NDUFAF5: variants seen among roughly 807,000 people sequenced by gnomAD.
The protein encoded by NDUFAF5 is arginine-hydroxylase NDUFAF5, mitochondrial.
Under a neutral mutation model 48.9 loss-of-function variants are expected in NDUFAF5, and 34 were observed. That is an observed-to-expected ratio of 0.70 (90% CI 0.53 to 0.93). The LOEUF (loss-of-function observed/expected upper bound fraction) is 0.93, where lower values mean the gene tolerates loss of function less well. Among genes scored for constraint, NDUFAF5 ranks in the 40% least tolerant of loss-of-function variants. The pLI, the probability that NDUFAF5 is intolerant of heterozygous loss-of-function variation, is 0.00. For synonymous variants in NDUFAF5, 153 were observed against 150.6 expected (o/e 1.02, Z -0.12); for missense variants, 428 against 427.5 (o/e 1.00, Z -0.01).
At position 13,785,212 on chromosome 20, in the gene NDUFAF5, C is replaced by A. The variant is rs1194843466; in HGVS notation, c.144C>A (p.Asp48Glu). 2 of 1,613,764 alleles carry A rather than the reference C, an allele frequency of 1.2e-6. No homozygotes were observed. The highest frequency in any genetic ancestry group is 1.7e-6 in the Non-Finnish European group (2 of 1,179,854). ...CGCCCAGAACCCTGAATATTTTCGA[C>A]CGGGATTTGAAAAGGAAACAGAAGA... The part of the protein sequence containing the change: ...STSPRTLNIF[D>E]RDLKRKQKNW... The change falls in exon 1 of 11, where the codon GAC becomes GAA. Residue 48 changes from aspartate to glutamate, a missense_variant. Physicochemically the swap from Asp to Glu is conservative, Grantham distance 45. Transcript: ENST00000378106.
In NDUFAF5 at chr20:13,817,334, A is replaced by G; in HGVS notation, c.*124A>G. On this transcript the variant is annotated 3_prime_UTR_variant, in exon 11 of 11. Coordinates refer to ENST00000378106, the MANE Select transcript of NDUFAF5 (RefSeq NM_024120.5). ...TATTTACTAATAGGCTTTTCATATA[A>G]TTAGGAAAACCTAATATCACATCTA... 1 of 815,756 alleles carries G rather than the reference A, an allele frequency of 1.2e-6. No homozygotes were observed. The allele number at this position is 815,756 out of a possible 1,614,324, so 50.5% of individuals were successfully genotyped here.
At chr20:13,796,706 C>T (rs951051888) in intron 5 of NDUFAF5, among the ~76,000 whole-genome samples, 5 of 152,102 alleles carry the variant, frequency 3.3e-5, no homozygotes, top group South Asian at 4.1e-4. Context: ...GGCCCGGGCA[C>T]GGTGGCTCAC....
At chr20:13,790,944 T>G (rs1219637459) in intron 3 of NDUFAF5, among the ~76,000 whole-genome samples, 1 of 152,258 alleles carries the variant, frequency 6.6e-6, no homozygotes, top group Non-Finnish European at 1.5e-5. Context: ...ACTTACAAGC[T>G]CCTGATGTAT....
At chr20:13,815,607 T>C (rs1487647866) in intron 8 of NDUFAF5, among the ~76,000 whole-genome samples, 1 of 152,236 alleles carries the variant, frequency 6.6e-6, no homozygotes, top group Non-Finnish European at 1.5e-5. Context: ...TGTGAAAGAA[T>C]ACTGATATTG....
rs528365398 is a variant in NDUFAF5 at position 13,817,727 on chromosome 20, C to T, written c.*517C>T. ...TGTGGGTGGGACCACCATGGTTTTACACCCCACCCTACCTTAGGGAAGAAG... is the reference window on the plus strand; with the variant it reads ...TGTGGGTGGGACCACCATGGTTTTATACCCCACCCTACCTTAGGGAAGAAG... On this transcript the variant is annotated 3_prime_UTR_variant, in exon 11 of 11. Coordinates refer to ENST00000378106, the MANE Select transcript of NDUFAF5 (RefSeq NM_024120.5). 2.2e-6 allele frequency: 1 copy of T among 454,076 alleles called. No homozygotes were observed. The highest frequency in any genetic ancestry group is 2.0e-5 in the African/African-American group (1 of 50,128). The allele number at this position is 454,076 out of a possible 1,614,324, so 28.1% of individuals were successfully genotyped here. A position where few individuals can be genotyped will look rare whatever the true frequency, so the allele number is the denominator to read the frequency against.
intron 7 of NDUFAF5, among the ~76,000 whole-genome samples, chr20:13,803,728 T>A (rs1288715947): frequency 6.6e-6 from 1 of 152,180 alleles, no homozygotes. Context: ...AACAATAATA[T>A]ACCTATTACT....
At chr20:13,806,366 G>C (rs1321701376) in intron 7 of NDUFAF5, among the ~76,000 whole-genome samples, 1 of 152,136 alleles carries the variant, frequency 6.6e-6, no homozygotes, top group African/African-American at 2.4e-5. Flanking sequence ...AAATTAGCTG[G>C]GCGTGGTGGC....
At chr20:13,801,952 A>G (rs1984225715) in intron 7 of NDUFAF5, 3 of 393,830 alleles carry the variant, frequency 7.6e-6, no homozygotes, top group Non-Finnish European at 1.4e-5. Context: ...CAAATTTCTA[A>G]ACATACAACT....
chr20:13,788,788 T>TA (rs1981678422), intron 3 of NDUFAF5, 136 bp downstream of exon 3: 1 of 616,076 alleles, frequency 1.6e-6, no homozygotes, highest in Non-Finnish European at 2.8e-6. Flanking sequence ...TTTTTTTTTT[T>TA]AAGTGGTAGA....
Position 13,818,416 on chromosome 20 carries a change from G to T in NDUFAF5, c.*1206G>T. 6.2e-6 allele frequency: 2 copies of T among 323,628 alleles called. No homozygotes were observed. The highest frequency in any genetic ancestry group is 2.5e-5 in the South Asian group (1 of 39,858). 20.0% of individuals were successfully genotyped at this position (323,628 alleles called of 1,614,324 possible). A position where few individuals can be genotyped will look rare whatever the true frequency, so the allele number is the denominator to read the frequency against. ...TTTTAACACAAAGTAAACCTGTGAA[G>T]TAGAATTTGGCGTTTTGTTTTTTGG... On this transcript the variant is annotated 3_prime_UTR_variant, in exon 11 of 11. Coordinates refer to ENST00000378106, the MANE Select transcript of NDUFAF5 (RefSeq NM_024120.5).
intron 1 of NDUFAF5, chr20:13,787,089 G>T: frequency 1.7e-6 from 1 of 577,236 alleles, no homozygotes. Context: ...GTGTGTATAT[G>T]TATATTTTTA....
intron 8 of NDUFAF5, among the ~76,000 whole-genome samples, chr20:13,809,636 T>C (rs561599806): frequency 1.7e-4 from 26 of 152,344 alleles, no homozygotes; most frequent in African/African-American, 6.3e-4. Context: ...TTGTTTGCCC[T>C]TATCTTAAAA....
intron 6 of NDUFAF5, among the ~76,000 whole-genome samples, chr20:13,800,216 G>T (rs1600353445): frequency 6.6e-6 from 1 of 152,154 alleles, no homozygotes; most frequent in Non-Finnish European, 1.5e-5. Flanking sequence ...GCGGGGAGCT[G>T]CAGAATTCTG....
rs113805278 is a variant in NDUFAF5 at position 13,785,308 on chromosome 20, C to T, written c.222+18C>T. ...AGGAGGAGGTGAGCCCGCGGGGCGGCGGGGCGGCGGGGCGGGCGACGCGGA... is the reference window on the plus strand; with the variant it reads ...AGGAGGAGGTGAGCCCGCGGGGCGGTGGGGCGGCGGGGCGGGCGACGCGGA... On this transcript the variant is annotated intron_variant, in intron 1 of 10. Transcript: ENST00000378106. The T allele has an allele frequency of 2.0e-3, 3,188 of 1,570,386 alleles. 52 individuals are homozygous for T. In the African/African-American group the frequency reaches 0.033, roughly 16 times the overall value.
At chr20:13,796,794 C>T (rs1338392709) in intron 5 of NDUFAF5, among the ~76,000 whole-genome samples, 6 of 152,178 alleles carry the variant, frequency 3.9e-5, no homozygotes, top group Admixed American at 1.3e-4. Flanking sequence ...ACCTGGGCTA[C>T]GTGGTGAAAC....
At chr20:13,794,003 T>C (rs1982764472) in intron 4 of NDUFAF5, among the ~76,000 whole-genome samples, 1 of 152,224 alleles carries the variant, frequency 6.6e-6, no homozygotes, top group Admixed American at 6.5e-5. Context: ...CTATCTTGTG[T>C]TTTTATTCTA....
At chr20:13,792,977 A>T (rs1197968840) in intron 3 of NDUFAF5, among the ~76,000 whole-genome samples, 1 of 152,216 alleles carries the variant, frequency 6.6e-6, no homozygotes, top group Non-Finnish European at 1.5e-5. Flanking sequence ...ACGCATACTC[A>T]TGTTCTCTAT....
chr20:13,787,040 TG>T (rs1465066772), intron 1 of NDUFAF5: 6 of 489,344 alleles, frequency 1.2e-5, no homozygotes, highest in Non-Finnish European at 2.2e-5. Flanking sequence ...TTATGTCACA[TG>T]GAATGTAAAG....
At chr20:13,814,960 C>G (rs899963402) in intron 8 of NDUFAF5, among the ~76,000 whole-genome samples, 3 of 152,184 alleles carry the variant, frequency 2.0e-5, no homozygotes, top group African/African-American at 7.2e-5. Flanking sequence ...CAGTTACGCC[C>G]TGTGCTCTGC....
Sources: allele counts gnomAD v4.1 joint callset (sites outside exome capture counted in the v4.1 genomes callset), GRCh38; gene constraint gnomAD v4.1.1; transcripts MANE v1.5; gene names NCBI Gene and HGNC (gene_info 2026-07-23, HGNC 2026-07-21).